MRPS28: variants seen among roughly 807,000 people sequenced by gnomAD.
MRPS28 encodes mitochondrial ribosomal protein S28.
MRPS28 carries 7 observed loss-of-function variants against 10.8 expected under a neutral mutation model. The ratio of observed to expected loss-of-function variants is 0.65; its 90% CI spans 0.37 to 1.22. The LOEUF (loss-of-function observed/expected upper bound fraction) is 1.22, where lower values mean the gene tolerates loss of function less well. Ranked by LOEUF, MRPS28 falls within the 50% of genes most tolerant of loss-of-function variation. The pLI, the probability that MRPS28 is intolerant of heterozygous loss-of-function variation, is 0.02. For missense variants in MRPS28, 265 were observed against 232.9 expected (o/e 1.14, Z -0.90); for synonymous variants, 121 against 93.3 (o/e 1.30, Z -1.71).
At chr8:79,943,671 G>C (rs376851881) in intron 2 of MRPS28, among the ~76,000 whole-genome samples, 1 of 152,270 alleles carries the variant, frequency 6.6e-6, no homozygotes, top group African/African-American at 2.4e-5. Context: ...ACAGTAATTT[G>C]ATGAAACTAA....
At chr8:80,010,929 AT>A (rs1809023507) in intron 1 of MRPS28, among the ~76,000 whole-genome samples, 1 of 152,246 alleles carries the variant, frequency 6.6e-6, no homozygotes, top group Non-Finnish European at 1.5e-5. Context: ...CCAGGAATGT[AT>A]GCCATGAGCA....
chr8:80,016,566 G>A (rs1490193915), intron 1 of MRPS28, among the ~76,000 whole-genome samples: 1 of 151,980 alleles, frequency 6.6e-6, no homozygotes, highest in African/African-American at 2.4e-5. Flanking sequence ...AAATTCTTTA[G>A]AAAGAAGAAA....
At chr8:80,025,941 G>A (rs1809484048) in intron 1 of MRPS28, among the ~76,000 whole-genome samples, 1 of 152,076 alleles carries the variant, frequency 6.6e-6, no homozygotes, top group Non-Finnish European at 1.5e-5. Context: ...GCAATACTTA[G>A]CTTATACTTA....
chr8:79,937,632 C>G (rs1266221407), intron 2 of MRPS28, among the ~76,000 whole-genome samples: 2 of 152,092 alleles, frequency 1.3e-5, no homozygotes, highest in Non-Finnish European at 2.9e-5. Flanking sequence ...GGAATAAACA[C>G]AAAATAATGA....
At chr8:80,007,626 T>C (rs1808892521) in intron 1 of MRPS28, among the ~76,000 whole-genome samples, 1 of 149,680 alleles carries the variant, frequency 6.7e-6, no homozygotes, top group Admixed American at 6.6e-5. Context: ...TATACACCAA[T>C]AACAGACAAA....
chr8:79,944,281 G>A (rs1806842916), intron 2 of MRPS28, among the ~76,000 whole-genome samples: 1 of 152,156 alleles, frequency 6.6e-6, no homozygotes, highest in Non-Finnish European at 1.5e-5. Flanking sequence ...TGTGATATGT[G>A]GAAGACTGTT....
intron 2 of MRPS28, among the ~76,000 whole-genome samples, chr8:79,919,683 C>T (rs181752129): frequency 7.9e-5 from 12 of 152,284 alleles, no homozygotes; most frequent in Admixed American, 5.2e-4. Flanking sequence ...CCACAGTAAA[C>T]GGAAATTCAA....
chr8:80,029,645 G>T, intron 1 of MRPS28: 1 of 972,704 alleles, frequency 1.0e-6, no homozygotes, highest in Non-Finnish European at 1.4e-6. Flanking sequence ...CCATGCTAGA[G>T]CTACTGTTCA....
chr8:80,001,042 G>C (rs949650991), intron 2 of MRPS28, among the ~76,000 whole-genome samples: 3 of 152,174 alleles, frequency 2.0e-5, no homozygotes, highest in African/African-American at 7.2e-5. Flanking sequence ...TATATGACTA[G>C]TATTTGTAAT....
rs369524185 is a variant in MRPS28 at position 79,953,189 on chromosome 8, T to C, written c.396-34041A>G. ...AGCAGGCTGCAGCCGTTTTCTCTCT[T>C]TTTTAAAAAATACAATGCCACTCCA... On this transcript the variant is annotated intron_variant, in intron 2 of 2. Coordinates refer to ENST00000276585, the MANE Select transcript of MRPS28 (RefSeq NM_014018.3). Among the ~76,000 whole-genome samples, 406 of 152,282 alleles carry C rather than the reference T, an allele frequency of 2.7e-3. 2 individuals carry two copies. The highest frequency in any genetic ancestry group is 9.4e-3 in the African/African-American group (392 of 41,542).
chr8:79,947,941 TTAAG>T (rs1355946326), intron 2 of MRPS28, among the ~76,000 whole-genome samples: 4 of 150,986 alleles, frequency 2.6e-5, no homozygotes, highest in Admixed American at 6.6e-5. Context: ...CTGGCCTATA[TTAAG>T]TATTTTTATG....
chr8:79,920,505 C>G (rs1810061364), intron 2 of MRPS28, among the ~76,000 whole-genome samples: 1 of 152,148 alleles, frequency 6.6e-6, no homozygotes. Flanking sequence ...AGATGGTTAT[C>G]CCATTGTGGT....
intron 1 of MRPS28, among the ~76,000 whole-genome samples, chr8:80,006,382 T>C (rs1393995076): frequency 2.0e-5 from 3 of 152,102 alleles, no homozygotes; most frequent in African/African-American, 7.2e-5. Context: ...GAATGACTAC[T>C]GGGTACATAA....
chr8:79,925,726 G>A (rs1298083325), intron 2 of MRPS28, among the ~76,000 whole-genome samples: 4 of 152,144 alleles, frequency 2.6e-5, no homozygotes, highest in African/African-American at 7.2e-5. Context: ...GGTGGCTCAC[G>A]CCTGTAATCC....
intron 1 of MRPS28, among the ~76,000 whole-genome samples, chr8:80,008,716 A>G (rs1407085682): frequency 2.6e-4 from 39 of 152,388 alleles, no homozygotes. Context: ...AATCAAAACC[A>G]CAATGGGATA....
At chr8:79,960,427 A>C (rs901301985) in intron 2 of MRPS28, among the ~76,000 whole-genome samples, 10 of 152,056 alleles carry the variant, frequency 6.6e-5, no homozygotes, top group Admixed American at 6.6e-5. Flanking sequence ...CCCATCTACA[A>C]TTATTTGCAA....
intron 1 of MRPS28, among the ~76,000 whole-genome samples, chr8:80,029,319 G>A (rs934066624): frequency 8.6e-5 from 13 of 152,046 alleles, no homozygotes; most frequent in Admixed American, 3.9e-4. Flanking sequence ...CTACTCCCTA[G>A]GAAGAAAAAT....
chr8:79,972,942 C>A (rs1807675282), intron 2 of MRPS28, among the ~76,000 whole-genome samples: 1 of 152,102 alleles, frequency 6.6e-6, no homozygotes, highest in African/African-American at 2.4e-5. Flanking sequence ...CTCTCAAAAA[C>A]CAAATTAAAA....
intron 2 of MRPS28, among the ~76,000 whole-genome samples, chr8:79,984,337 C>T (rs1695143945): frequency 6.6e-6 from 1 of 152,180 alleles, no homozygotes; most frequent in African/African-American, 2.4e-5. Context: ...ATTGTAAAGA[C>T]CATCGAGGCT....
Sources: gnomAD v4.1 joint callset for allele counts (sites outside exome capture counted in the v4.1 genomes callset) on GRCh38, gnomAD v4.1.1 for gene constraint, MANE v1.5 for transcripts, NCBI Gene and HGNC (gene_info 2026-07-23, HGNC 2026-07-21) for gene names.